MID1: variants seen among roughly 807,000 people sequenced by gnomAD.
The protein encoded by MID1 is midline 1.
MID1 carries 7 observed loss-of-function variants against 40.4 expected under a neutral mutation model. The observed-to-expected ratio is 0.17, with a 90% CI of 0.10 to 0.33. The LOEUF (loss-of-function observed/expected upper bound fraction) is 0.33. Ranked by LOEUF, MID1 falls within the 10% of genes least tolerant of loss-of-function variation. The pLI, the probability that MID1 is intolerant of heterozygous loss-of-function variation, is 1.00. For missense variants in MID1, 367 were observed against 558.5 expected, an observed-to-expected ratio of 0.66 and a Z score of 3.46; for synonymous variants, 229 against 221.2, an observed-to-expected ratio of 1.04 and a Z score of -0.31.
In MID1 at chrX:10,641,453, T is replaced by TC. The variant is rs1389242009; in HGVS notation, c.-186-21035dup. ...GACAAATTCCTGGACACATACATCC[T>TC]CCCAAGACTAAACCAGGAAGAAGTT... On this transcript the variant is annotated intron_variant, in intron 1 of 10. Coordinates refer to the MID1 transcript ENST00000380785. 2.7e-5 allele frequency among the ~76,000 whole-genome samples: 3 copies of TC among 111,502 alleles called. No individual in the cohort carries two copies. In the East Asian group the frequency reaches 8.5e-4, roughly 31 times the overall value.
chrX:10,828,893 C>G (rs1305296456), intron 1 of MID1, among the ~76,000 whole-genome samples: 1 of 112,216 alleles, frequency 8.9e-6, no homozygotes, highest in Non-Finnish European at 1.9e-5. Context: ...ACAGACATGA[C>G]CATTTTCAAT....
In MID1 at chrX:10,580,188, G is replaced by GC. The variant is rs1354677080; in HGVS notation, c.-56-12586dup. ...GCCTTCAAATCACATTCAATCACAT[G>GC]CCCCCCCCCGCCCCGCCCTTTCAAC... On this transcript the variant is annotated intron_variant, in intron 1 of 9. Coordinates refer to ENST00000317552, the MANE Select transcript of MID1 (RefSeq NM_000381.4). Among the ~76,000 whole-genome samples the GC allele has an allele frequency of 5.1e-3, 472 of 93,150 alleles. 6 individuals carry two copies. The highest frequency in any genetic ancestry group is 0.012 in the African/African-American group (277 of 23,929). 80.9% of individuals were successfully genotyped at this position (93,150 alleles called of 115,157 possible). A position where few individuals can be genotyped will look rare whatever the true frequency, so the allele number is the denominator to read the frequency against.
chrX:10,455,588 C>G (rs1301440190), intron 8 of MID1, among the ~76,000 whole-genome samples: 1 of 112,169 alleles, frequency 8.9e-6, no homozygotes, highest in Non-Finnish European at 1.9e-5. Flanking sequence ...CTGCAGTGTT[C>G]TATCCAGCAT....
At chrX:10,654,107 C>G (rs2042852876) in intron 1 of MID1, among the ~76,000 whole-genome samples, 1 of 111,609 alleles carries the variant, frequency 9.0e-6, no homozygotes, top group Admixed American at 9.6e-5. Flanking sequence ...GGAATTCCAG[C>G]TGGGTCAACT....
At chrX:10,544,605 C>T (rs764788960) in intron 2 of MID1, among the ~76,000 whole-genome samples, 2 of 112,200 alleles carry the variant, frequency 1.8e-5, no homozygotes, top group East Asian at 5.6e-4. Context: ...TAAATAAAAC[C>T]AGCTCTGAGT....
intron 1 of MID1, among the ~76,000 whole-genome samples, chrX:10,605,853 A>G (rs1240433853): frequency 2.2e-4 from 25 of 111,597 alleles, no homozygotes; most frequent in Admixed American, 2.1e-3. Flanking sequence ...ATAGAAAAGA[A>G]TGAGAATACT....
chrX:10,576,137 ATTT>A (rs200712689), intron 1 of MID1, among the ~76,000 whole-genome samples: 20 of 107,293 alleles, frequency 1.9e-4, no homozygotes, highest in Middle Eastern at 4.7e-3. Flanking sequence ...TATTATTATT[ATTT>A]TTTTACCTCA....
chrX:10,644,727 G>A (rs1936243925), intron 1 of MID1, among the ~76,000 whole-genome samples: 1 of 110,755 alleles, frequency 9.0e-6, no homozygotes, highest in Admixed American at 9.7e-5. Context: ...CTCCAGAACA[G>A]GGTCCAAAGT....
chrX:10,754,133 G>A (rs1363534983), intron 1 of MID1, among the ~76,000 whole-genome samples: 1 of 112,205 alleles, frequency 8.9e-6, no homozygotes, highest in East Asian at 2.8e-4. Flanking sequence ...GAAGAACAGA[G>A]TGGTTGGTTT....
chrX:10,634,659 A>G (rs1936089473), intron 1 of MID1, among the ~76,000 whole-genome samples: 1 of 112,064 alleles, frequency 8.9e-6, no homozygotes, highest in Admixed American at 9.4e-5. Context: ...TTATCTTAAT[A>G]CACTTGCTTC....
At chrX:10,521,077 C>T in intron 3 of MID1, among the ~76,000 whole-genome samples, 1 of 90,011 alleles carries the variant, frequency 1.1e-5, no homozygotes, top group Non-Finnish European at 2.1e-5. Flanking sequence ...AGAACTGGCA[C>T]GTCACATGGC....
At chrX:10,730,670 C>T (rs1252425881) in intron 1 of MID1, among the ~76,000 whole-genome samples, 1 of 105,071 alleles carries the variant, frequency 9.5e-6, no homozygotes, top group Non-Finnish European at 1.9e-5. Flanking sequence ...CTCCCGTGTT[C>T]ACGCCATTCT....
At chrX:10,640,035 C>T (rs1304124147) in intron 1 of MID1, among the ~76,000 whole-genome samples, 2 of 111,849 alleles carry the variant, frequency 1.8e-5, no homozygotes, top group Non-Finnish European at 3.8e-5. Flanking sequence ...TGGAGAGGAA[C>T]AACAGGTACC....
intron 1 of MID1, among the ~76,000 whole-genome samples, chrX:10,639,371 A>G (rs957098054): frequency 2.1e-4 from 24 of 112,110 alleles, no homozygotes; most frequent in Non-Finnish European, 4.1e-4. Flanking sequence ...ATGCACGCAC[A>G]AGCTTCAGTA....
chrX:10,564,975 C>CA (rs974728797), intron 2 of MID1, among the ~76,000 whole-genome samples: 1 of 96,940 alleles, frequency 1.0e-5, no homozygotes, highest in Admixed American at 1.2e-4. Flanking sequence ...ATTCTCCCTT[C>CA]AGCTCCACCA....
At chrX:10,621,430 A>G (rs1380063531), upstream of MID1, among the ~76,000 whole-genome samples, 3 of 111,911 alleles carry the variant, frequency 2.7e-5, no homozygotes, top group Admixed American at 1.9e-4. Context: ...ACTTTTTTCA[A>G]CTCTTAGCCA....
At chrX:10,546,595 T>G (rs1933691716) in intron 2 of MID1, among the ~76,000 whole-genome samples, 1 of 111,897 alleles carries the variant, frequency 8.9e-6, no homozygotes, top group Admixed American at 9.5e-5. Flanking sequence ...AGTTCAATCT[T>G]CAGCAGTTGT....
intron 1 of MID1, among the ~76,000 whole-genome samples, chrX:10,629,103 T>A (rs1936025455): frequency 8.9e-6 from 1 of 111,855 alleles, no homozygotes; most frequent in South Asian, 3.7e-4. Flanking sequence ...GGTTCTAAGA[T>A]CCCCAACCAC....
In MID1 at chrX:10,505,634, G is replaced by A. The variant is rs1023261311; in HGVS notation, c.757-9943C>T. ...TCAACAAATGTGTTTGGCATTTGAT[G>A]TTGTGGTCAGAGGGTAAACAATAAC... On this transcript the variant is annotated intron_variant, in intron 3 of 9. Coordinates refer to ENST00000317552, the MANE Select transcript of MID1 (RefSeq NM_000381.4). The A allele has an allele frequency of 1.5e-5, 11 of 751,475 alleles. No individual in the cohort carries two copies. In the African/African-American group the frequency reaches 2.5e-4, roughly 17 times the overall value. The allele number at this position is 751,475 out of a possible 1,213,427, so 61.9% of individuals were successfully genotyped here. A position where few individuals can be genotyped will look rare whatever the true frequency, so the allele number is the denominator to read the frequency against.
Sources: allele counts gnomAD v4.1 joint callset (sites outside exome capture counted in the v4.1 genomes callset), GRCh38; gene constraint gnomAD v4.1.1; transcripts MANE v1.5; gene names NCBI Gene and HGNC (gene_info 2026-07-23, HGNC 2026-07-21).